Variants in DNTT observed in about 807,000 individuals in gnomAD.
DNTT encodes the protein nucleosidetriphosphate:DNA deoxynucleotidylexotransferase.
Under a neutral mutation model 60.9 loss-of-function variants are expected in DNTT, and 47 were observed. The ratio of observed to expected loss-of-function variants is 0.77; its 90% CI spans 0.61 to 0.98. DNTT has a LOEUF of 0.98. Among genes scored for constraint, DNTT ranks in the 50% least tolerant of loss-of-function variants. DNTT has a pLI of 0.00. For missense variants in DNTT, 665 were observed against 627.5 expected (o/e 1.06, Z -0.64); for synonymous variants, 224 against 221.2 (o/e 1.01, Z -0.11).
intron 6 of DNTT, among the ~76,000 whole-genome samples, 164 bp from the exon 7 acceptor site, chr10:96,327,304 C>A (rs1463239737): frequency 6.6e-6 from 1 of 152,082 alleles, no homozygotes; most frequent in African/African-American, 2.4e-5. Context: ...AAATTCACAA[C>A]CAGGAGAACC....
intron 1 of DNTT, among the ~76,000 whole-genome samples, chr10:96,317,304 G>C (rs1245820125): frequency 6.6e-6 from 1 of 152,194 alleles, no homozygotes; most frequent in Non-Finnish European, 1.5e-5. Flanking sequence ...AAGTGTGAAT[G>C]ATGTAACACT....
chr10:96,327,705 CT>C, intron 7 of DNTT, 105 bp downstream of exon 7: 1 of 1,490,796 alleles, frequency 6.7e-7, no homozygotes, highest in Non-Finnish European at 9.0e-7. Context: ...CTGGTGCCAG[CT>C]TCTTTCTACA....
At chr10:96,325,304 A>T (rs1844926827) in intron 6 of DNTT, among the ~76,000 whole-genome samples, 1 of 152,236 alleles carries the variant, frequency 6.6e-6, no homozygotes, top group African/African-American at 2.4e-5. Flanking sequence ...AAAGAGTCTA[A>T]GAAAAAAAGA....
chr10:96,317,284 C>T (rs1230636727), intron 1 of DNTT, among the ~76,000 whole-genome samples: 1 of 152,098 alleles, frequency 6.6e-6, no homozygotes, highest in African/African-American at 2.4e-5. Flanking sequence ...CCTCAGTTTC[C>T]TCATTTTTGA....
At position 96,335,930 on chromosome 10, in the gene DNTT, C is replaced by T. The variant is rs368773639; in HGVS notation, c.1399C>T (p.Arg467Trp). ...CCTCCGGCGCTATGCCACACATGAG[C>T]GGAAGATGATTCTGGATAACCATGC... ...RDLRRYATHE[R>W]KMILDNHALY... The change falls in exon 10 of 11, where the codon CGG becomes TGG. Residue 467 changes from arginine (R) to tryptophan (W), a missense_variant. Arg to Trp is a moderately radical substitution (Grantham distance 101). Coordinates refer to ENST00000371174, the MANE Select transcript of DNTT (RefSeq NM_004088.4). 6 of 1,614,066 alleles carry T rather than the reference C, an allele frequency of 3.7e-6. No homozygotes were observed. Among genetic ancestry groups the T allele is most frequent in the African/African-American group, 1.3e-5 (1 of 74,916 alleles).
chr10:96,310,145 G>A (rs1844696965), intron 1 of DNTT, among the ~76,000 whole-genome samples: 1 of 152,084 alleles, frequency 6.6e-6, no homozygotes, highest in African/African-American at 2.4e-5. Flanking sequence ...ACCCCTCAGG[G>A]GCACACCCTT....
intron 4 of DNTT, 76 bp downstream of exon 4, chr10:96,320,864 A>T: frequency 6.4e-7 from 1 of 1,557,992 alleles, no homozygotes; most frequent in Non-Finnish European, 8.7e-7. Context: ...TAGCTAACAG[A>T]TTTTCCTGTC....
intron 1 of DNTT, among the ~76,000 whole-genome samples, chr10:96,308,453 C>A (rs1844669391): frequency 6.6e-6 from 1 of 152,164 alleles, no homozygotes; most frequent in Non-Finnish European, 1.5e-5. Context: ...AATTTTAGAG[C>A]AATTTGCCAC....
At chr10:96,320,936 CTG>C in intron 4 of DNTT, 148 bp downstream of exon 4, 2 of 557,906 alleles carry the variant, frequency 3.6e-6, no homozygotes, top group South Asian at 5.0e-5. Flanking sequence ...TCTCTCTCCT[CTG>C]TCTCTCTCTC....
chr10:96,335,978 C>A lies in DNTT; in HGVS notation c.1443+4C>A. The stretch of plus-strand genomic sequence containing the variant: ...TGCTTTATATGACAAGACCAAGGTA[C>A]AGTTCTCTTCCTAAAAGGGGCTACT... On this transcript the variant is annotated splice_donor_region_variant and intron_variant, in intron 10 of 10. Coordinates refer to ENST00000371174, the MANE Select transcript of DNTT (RefSeq NM_004088.4). 8 of 1,614,114 alleles carry A rather than the reference C, an allele frequency of 5.0e-6. No individual in the cohort carries two copies. Among genetic ancestry groups the A allele is most frequent in the Non-Finnish European group, 6.8e-6 (8 of 1,179,968 alleles).
At chr10:96,317,039 G>C (rs898470959) in intron 1 of DNTT, among the ~76,000 whole-genome samples, 3 of 152,178 alleles carry the variant, frequency 2.0e-5, no homozygotes, top group Admixed American at 6.5e-5. Context: ...AGAAAATATT[G>C]CTATGTTTTC....
chr10:96,304,513 G>A lies in DNTT; in HGVS notation c.16G>A (p.Ala6Thr). 1.2e-6 allele frequency: 2 copies of A among 1,613,748 alleles called. No homozygotes were observed. Among genetic ancestry groups the A allele is most frequent in the Non-Finnish European group, 1.7e-6 (2 of 1,179,996 alleles). The change falls in exon 1 of 11, where the codon GCG becomes ACG. Residue 6 changes from alanine to threonine, a missense_variant. By Grantham distance (58) the Ala-to-Thr change is moderately conservative (BLOSUM62 0). Transcript: ENST00000371174. MDPPRASHLSPRKKRP... is the reference protein window; with the variant it reads MDPPRTSHLSPRKKRP... ...GCCTCTTCCCATGGATCCACCACGAGCGTCCCACTTGAGCCCTCGGAAGAA... is the reference window on the plus strand; with the variant it reads ...GCCTCTTCCCATGGATCCACCACGAACGTCCCACTTGAGCCCTCGGAAGAA...
Position 96,327,574 on chromosome 10 carries a change from C to T in DNTT, c.981C>T (p.Phe327=), listed in dbSNP as rs771895179. Residue 327 remains phenylalanine (F), a synonymous_variant, in exon 7 of 11, where the codon TTC becomes TTT. Transcript: ENST00000371174. ...TCTGGGCATTTCTTCCGGATGCTTT[C>T]GTCACCATGACAGGAGGGTTCCGGA... is the stretch of plus-strand genomic sequence containing the variant. ...EAVWAFLPDA[F]VTMTGGFRRG... is the part of the protein sequence containing the mutation. 31 of 1,613,802 alleles carry T rather than the reference C, an allele frequency of 1.9e-5. No homozygotes were observed. In the East Asian group the frequency reaches 2.9e-4, roughly 15 times the overall value.
At chr10:96,315,127 GA>G (rs1266205916) in intron 1 of DNTT, among the ~76,000 whole-genome samples, 1 of 152,102 alleles carries the variant, frequency 6.6e-6, no homozygotes, top group Non-Finnish European at 1.5e-5. Flanking sequence ...AACACAAGAC[GA>G]TGGGAAATAC....
Position 96,318,343 on chromosome 10 carries a change from A to G in DNTT, c.204-9A>G, listed in dbSNP as rs2133987377. ...GTTTCAGCTGGTAACTCTGTCTTGC[A>G]TTTTGCAGTGATTCTGTCACCCACA... On this transcript the variant is annotated splice_polypyrimidine_tract_variant and intron_variant, in intron 1 of 10. Coordinates refer to ENST00000371174, the MANE Select transcript of DNTT (RefSeq NM_004088.4). The G allele has an allele frequency of 1.2e-6, 2 of 1,605,986 alleles. No homozygotes were observed. The highest frequency in any genetic ancestry group is 4.5e-5 in the East Asian group (2 of 44,698).
intron 6 of DNTT, 34 bp downstream of exon 6, chr10:96,324,423 T>C (rs367561765): frequency 9.3e-6 from 15 of 1,611,342 alleles, no homozygotes; most frequent in South Asian, 3.3e-5. Flanking sequence ...ATTGTTGCTA[T>C]GGGCTGGTCG....
intron 6 of DNTT, among the ~76,000 whole-genome samples, chr10:96,325,581 T>C (rs3789940): frequency 0.75 from 114,048 of 152,148 alleles, 47,045 homozygotes; most frequent in Non-Finnish European, 0.93. Flanking sequence ...GTAAACTGGA[T>C]TTTTGTTCTT....
chr10:96,314,514 G>A (rs1008494426), intron 1 of DNTT, among the ~76,000 whole-genome samples: 1 of 143,354 alleles, frequency 7.0e-6, no homozygotes, highest in Non-Finnish European at 1.5e-5. Context: ...CCAGGTTCAA[G>A]TGATTCTTCT....
intron 8 of DNTT, among the ~76,000 whole-genome samples, chr10:96,331,592 T>C (rs758397022): frequency 5.9e-5 from 9 of 151,982 alleles, no homozygotes; most frequent in Admixed American, 6.5e-5. Context: ...CTCATTACCA[T>C]GAGGATGAGG....
Sources: gnomAD v4.1 joint callset for allele counts (sites outside exome capture counted in the v4.1 genomes callset) on GRCh38, gnomAD v4.1.1 for gene constraint, MANE v1.5 for transcripts, NCBI Gene and HGNC (gene_info 2026-07-23, HGNC 2026-07-21) for gene names.